NPHP4: variants seen among roughly 807,000 people sequenced by gnomAD.
The protein encoded by NPHP4 is nephrocystin-4.
A neutral mutation model predicts 155.8 loss-of-function variants in NPHP4; 151 were observed. The ratio of observed to expected loss-of-function variants is 0.97; its 90% CI spans 0.85 to 1.11. The LOEUF (loss-of-function observed/expected upper bound fraction) is 1.11, where lower values mean the gene tolerates loss of function less well. Among genes scored for constraint, NPHP4 ranks in the 50% least tolerant of loss-of-function variants. The pLI is 0.00. For synonymous variants in NPHP4, 845 were observed against 816.8 expected (o/e 1.03, Z -0.59); for missense variants, 1,956 against 1,925.7 (o/e 1.02, Z -0.29).
At position 5,905,845 on chromosome 1, in the gene NPHP4, G is replaced by A; in HGVS notation, c.1612-62C>T. ...GGACCCCAACCCGTAACAACCAACGGTGCTCAGATCTAAGGGGATTCATCG... is the reference window on the plus strand; with the variant it reads ...GGACCCCAACCCGTAACAACCAACGATGCTCAGATCTAAGGGGATTCATCG... On this transcript the variant is annotated intron_variant, in intron 13 of 29. Transcript: ENST00000378156. This position sits in a 1 kb window ranked among gnomAD's most constrained non-coding sequence, Gnocchi z 4.0. The A allele has an allele frequency of 6.6e-7, 1 of 1,505,358 alleles. No individual in the cohort carries two copies. Among genetic ancestry groups the A allele is most frequent in the Non-Finnish European group, 9.0e-7 (1 of 1,107,800 alleles). 93.3% of individuals were successfully genotyped at this position (1,505,358 alleles called of 1,614,324 possible).
Position 5,863,132 on chromosome 1 carries a change from C to T in NPHP4, c.*133G>A. 1 of 931,120 alleles carries T rather than the reference C, an allele frequency of 1.1e-6. No individual in the cohort carries two copies. The highest frequency in any genetic ancestry group is 1.9e-5 in the Admixed American group (1 of 54,024). The allele number at this position is 931,120 out of a possible 1,614,324, so 57.7% of individuals were successfully genotyped here. ...CAGCGCTCGGTCTCTGCTTCCTCAGCCAAGTGCACAGGTCAGCCAGGTGGG... is the reference window on the plus strand; with the variant it reads ...CAGCGCTCGGTCTCTGCTTCCTCAGTCAAGTGCACAGGTCAGCCAGGTGGG... On this transcript the variant is annotated 3_prime_UTR_variant, in exon 30 of 30. Coordinates refer to ENST00000378156, the MANE Select transcript of NPHP4 (RefSeq NM_015102.5).
intron 23 of NPHP4, among the ~76,000 whole-genome samples, chr1:5,870,960 G>T (rs747389885): frequency 1.2e-4 from 18 of 152,232 alleles, no homozygotes; most frequent in Non-Finnish European, 2.1e-4. Flanking sequence ...TGTGAATGGG[G>T]CCTGTGATGA....
At chr1:5,955,121 C>G (rs1337954232) in intron 6 of NPHP4, among the ~76,000 whole-genome samples, 1 of 151,724 alleles carries the variant, frequency 6.6e-6, no homozygotes, top group East Asian at 1.9e-4. Flanking sequence ...CCTGTAGGCA[C>G]AGGAAACGAT....
rs148254344 is a variant in NPHP4 at position 5,880,424 on chromosome 1, C to A, written c.2486-185G>T. 1.5e-3 allele frequency: 896 copies of A among 592,562 alleles called. 1 individual carries two copies. Among genetic ancestry groups the A allele is most frequent in the Non-Finnish European group, 2.4e-3 (806 of 337,412 alleles). The allele number at this position is 592,562 out of a possible 1,614,324, so 36.7% of individuals were successfully genotyped here. A position where few individuals can be genotyped will look rare whatever the true frequency, so the allele number is the denominator to read the frequency against. On this transcript the variant is annotated intron_variant, in intron 18 of 29. Coordinates refer to ENST00000378156, the MANE Select transcript of NPHP4 (RefSeq NM_015102.5). ...AGACAGGTGGGAGCTCGTTCTGCTG[C>A]GAACTTTCAGCTAGGTCTTCATTCT...
intron 18 of NPHP4, among the ~76,000 whole-genome samples, chr1:5,885,790 C>A (rs906536439): frequency 6.6e-6 from 1 of 152,218 alleles, no homozygotes; most frequent in African/African-American, 2.4e-5. Flanking sequence ...CACAGAATAG[C>A]CAGTTTTATG....
intron 12 of NPHP4, among the ~76,000 whole-genome samples, chr1:5,908,216 T>A (rs1645008052): frequency 6.6e-6 from 1 of 152,200 alleles, no homozygotes; most frequent in South Asian, 2.1e-4. Flanking sequence ...CTATACGGTA[T>A]CGTGACCACT....
chr1:5,969,611 G>C (rs888359434), intron 3 of NPHP4, among the ~76,000 whole-genome samples: 4 of 152,192 alleles, frequency 2.6e-5, no homozygotes, highest in South Asian at 2.1e-4. Context: ...GGCTAGAGCA[G>C]CTATGCACCC....
chr1:5,896,790 G>A (rs1644415136), intron 16 of NPHP4, among the ~76,000 whole-genome samples: 1 of 152,164 alleles, frequency 6.6e-6, no homozygotes, highest in Non-Finnish European at 1.5e-5. Flanking sequence ...ACGGGCCCTG[G>A]CTGGCGGCAG....
At chr1:5,989,130 T>C (rs948908247) in intron 1 of NPHP4, among the ~76,000 whole-genome samples, 1 of 151,758 alleles carries the variant, frequency 6.6e-6, no homozygotes, top group Non-Finnish European at 1.5e-5. Context: ...CCATCAGTCT[T>C]CCCCGGGAGA....
rs779716188 is a variant in NPHP4 at position 5,887,276 on chromosome 1, G to C, written c.2485+10C>G. 1.9e-6 allele frequency: 3 copies of C among 1,609,540 alleles called. No homozygotes were observed. The highest frequency in any genetic ancestry group is 3.4e-5 in the Admixed American group (2 of 59,592). On this transcript the variant is annotated intron_variant, in intron 18 of 29. Coordinates refer to ENST00000378156, the MANE Select transcript of NPHP4 (RefSeq NM_015102.5). ...CGCTGGAGAAATGGCACAAGGCTGGGGACTCTTACCCACGTTGGCCAAAGT... is the reference window on the plus strand; with the variant it reads ...CGCTGGAGAAATGGCACAAGGCTGGCGACTCTTACCCACGTTGGCCAAAGT...
intron 13 of NPHP4, among the ~76,000 whole-genome samples, chr1:5,906,501 T>C (rs1161141672): frequency 6.6e-6 from 1 of 152,278 alleles, no homozygotes; most frequent in African/African-American, 2.4e-5. Context: ...GCCCCAGAGA[T>C]GCTTTAGATA....
At chr1:5,963,033 G>A (rs972804797) in intron 5 of NPHP4, among the ~76,000 whole-genome samples, 1 of 152,186 alleles carries the variant, frequency 6.6e-6, no homozygotes, top group Non-Finnish European at 1.5e-5. Context: ...CAGCTGCTGA[G>A]AGTCACAAGT....
In NPHP4 at chr1:5,867,772, GCCTT is replaced by G; in HGVS notation, c.3436_3439del (p.Lys1146ProfsTer50). ...TGTGTGCCAGGGCGGCAGGCGGATG[GCCTT>G]CTTCAGGAAGGAGAGCTCCGGGTGA... On this transcript the variant is annotated frameshift_variant, in exon 24 of 30. Transcript: ENST00000378156. LOFTEE classifies it high-confidence loss of function. The surrounding 1 kb of genome is among the most constrained non-coding windows in gnomAD (Gnocchi z 4.1). 3 of 1,611,798 alleles carry G rather than the reference GCCTT, an allele frequency of 1.9e-6. No individual in the cohort carries two copies. Among genetic ancestry groups the G allele is most frequent in the Non-Finnish European group, 2.5e-6 (3 of 1,179,862 alleles).
At chr1:5,974,860 G>C (rs1653249145) in intron 3 of NPHP4, among the ~76,000 whole-genome samples, 2 of 152,062 alleles carry the variant, frequency 1.3e-5, no homozygotes, top group Non-Finnish European at 2.9e-5. Flanking sequence ...TACCACGTGG[G>C]GGCTGGACAG....
intron 18 of NPHP4, chr1:5,887,053 C>T (rs890877514): frequency 2.1e-5 from 11 of 522,238 alleles, no homozygotes; most frequent in East Asian, 1.8e-4. Flanking sequence ...CAGGAGAGCC[C>T]GAGATGACTG....
rs374141831 is a variant in NPHP4 at position 5,971,992 on chromosome 1, C to T, written c.280-2733G>A. On this transcript the variant is annotated intron_variant, in intron 3 of 29. Transcript: ENST00000378156. ...GCCTTCATCTTCAAAAACACGGACA[C>T]CATTTTGCCTCGGGGCCCAGTTTCC... Among the ~76,000 whole-genome samples, 23 of 152,364 alleles carry T rather than the reference C, an allele frequency of 1.5e-4. No homozygotes were observed. In the South Asian group the frequency reaches 4.1e-3, roughly 27 times the overall value.
At chr1:5,873,667 G>A (rs1390161352) in intron 22 of NPHP4, 3 of 420,574 alleles carry the variant, frequency 7.1e-6, no homozygotes, top group Admixed American at 4.3e-5. Context: ...CACCTTAAGC[G>A]ATGACCACCA....
intron 11 of NPHP4, among the ~76,000 whole-genome samples, chr1:5,925,556 G>C (rs904287901): frequency 1.5e-4 from 23 of 152,254 alleles, no homozygotes; most frequent in Admixed American, 6.5e-5. Flanking sequence ...ATATGTCAAA[G>C]AGTGTATGTC....
intron 27 of NPHP4, 123 bp from the exon 28 acceptor site, chr1:5,864,640 C>A: frequency 1.1e-6 from 1 of 900,116 alleles, no homozygotes; most frequent in Non-Finnish European, 1.6e-6. Context: ...CCGGGGCGGC[C>A]AAATCTGAGG....
Sources: gnomAD v4.1 joint callset for allele counts (sites outside exome capture counted in the v4.1 genomes callset) on GRCh38, gnomAD v4.1.1 for gene constraint, Gnocchi (gnomAD v3.1) non-coding constraint, MANE v1.5 for transcripts, NCBI Gene and HGNC (gene_info 2026-07-23, HGNC 2026-07-21) for gene names.